Variants in PRKN observed in about 807,000 individuals in gnomAD.
PRKN encodes parkin RBR E3 ubiquitin protein ligase, also known as E3 ubiquitin-protein ligase parkin.
A neutral mutation model predicts 59.5 loss-of-function variants in PRKN; 56 were observed. The ratio of observed to expected loss-of-function variants is 0.94; its 90% CI spans 0.76 to 1.18. The LOEUF is 1.18. Ranked by LOEUF, PRKN falls within the 50% of genes most tolerant of loss-of-function variation. PRKN has a pLI of 0.00. For missense variants in PRKN, 657 were observed against 596.4 expected (o/e 1.10, Z -1.06); for synonymous variants, 250 against 222.1 (o/e 1.13, Z -1.12).
intron 7 of PRKN, among the ~76,000 whole-genome samples, chr6:161,613,641 A>T (rs1475232620): frequency 6.6e-6 from 1 of 152,164 alleles, no homozygotes; most frequent in Non-Finnish European, 1.5e-5. Flanking sequence ...CAGCCACGTC[A>T]AGCTTCAGCA....
At chr6:162,325,745 C>A (rs1470048889) in intron 2 of PRKN, among the ~76,000 whole-genome samples, 1 of 152,110 alleles carries the variant, frequency 6.6e-6, no homozygotes, top group Admixed American at 6.6e-5. Flanking sequence ...ATCATTATTG[C>A]CAACTTACAA....
chr6:161,651,794 T>A (rs1784158196), intron 7 of PRKN, among the ~76,000 whole-genome samples: 2 of 152,208 alleles, frequency 1.3e-5, no homozygotes, highest in Admixed American at 1.3e-4. Flanking sequence ...GATGTCTCTA[T>A]ATACTGTTTC....
rs1033571497 is a variant in PRKN, at chr6:162,403,202, C to T, written c.171+40108G>A. Reference sequence around the variant, plus strand: ...AGGCCCAACACCATCTGGCGCCTTTCGTCACTTGTAGCTCGCCTCCAGCTC... The same window carrying T: ...AGGCCCAACACCATCTGGCGCCTTTTGTCACTTGTAGCTCGCCTCCAGCTC... On this transcript the variant is annotated intron_variant, in intron 2 of 11. Coordinates refer to ENST00000366898, the MANE Select transcript of PRKN (RefSeq NM_004562.3). Among the ~76,000 whole-genome samples, 11 of 152,244 alleles carry T rather than the reference C, an allele frequency of 7.2e-5. No homozygotes were observed. The South Asian group carries it at 1.9e-3, about 26-fold the overall frequency.
intron 5 of PRKN, among the ~76,000 whole-genome samples, chr6:162,021,461 A>ATATATATATATATATTT (rs59250759): frequency 8.1e-5 from 2 of 24,648 alleles, no homozygotes; most frequent in African/African-American, 1.8e-4. Context: ...ATATATATAT[A>ATATATATATATATATTT]TTTTTTTTTT....
At chr6:161,790,538 A>C (rs938228943) in intron 6 of PRKN, among the ~76,000 whole-genome samples, 13 of 152,176 alleles carry the variant, frequency 8.5e-5, no homozygotes, top group Non-Finnish European at 5.9e-5. Flanking sequence ...ATGGTGTGAG[A>C]GAAGAGCCCT....
chr6:162,131,729 C>T (rs1274296507), intron 4 of PRKN, among the ~76,000 whole-genome samples: 2 of 152,098 alleles, frequency 1.3e-5, no homozygotes, highest in East Asian at 1.9e-4. Flanking sequence ...TCCAAAGATA[C>T]TTCATATATT....
At chr6:162,143,941 C>A (rs1278485350) in intron 4 of PRKN, among the ~76,000 whole-genome samples, 1 of 151,952 alleles carries the variant, frequency 6.6e-6, no homozygotes, top group Non-Finnish European at 1.5e-5. Flanking sequence ...TCATTAGGGT[C>A]AAAAATATAT....
At chr6:162,103,451 C>A (rs534811489) in intron 4 of PRKN, among the ~76,000 whole-genome samples, 1 of 152,066 alleles carries the variant, frequency 6.6e-6, no homozygotes, top group South Asian at 2.1e-4. Context: ...TCTTATAATA[C>A]GGACGCAATG....
intron 6 of PRKN, among the ~76,000 whole-genome samples, chr6:161,919,769 G>C (rs1352613007): frequency 1.3e-5 from 2 of 152,098 alleles, no homozygotes; most frequent in Non-Finnish European, 2.9e-5. Context: ...ACTGTACAGG[G>C]GTCTACTACA....
chr6:161,476,398 G>C (rs13209191), intron 9 of PRKN, among the ~76,000 whole-genome samples: 1 of 151,986 alleles, frequency 6.6e-6, no homozygotes, highest in Non-Finnish European at 1.5e-5. Context: ...TCCCCCCGAA[G>C]CTTTTGTTTG....
At chr6:161,514,472 G>T (rs1040439938) in intron 9 of PRKN, among the ~76,000 whole-genome samples, 1 of 152,192 alleles carries the variant, frequency 6.6e-6, no homozygotes, top group African/African-American at 2.4e-5. Context: ...AAGAAGGCAA[G>T]GTTTTAAAAC....
At chr6:161,382,446 C>A (rs368283729) in intron 10 of PRKN, among the ~76,000 whole-genome samples, 3 of 152,128 alleles carry the variant, frequency 2.0e-5, no homozygotes, top group Non-Finnish European at 4.4e-5. Flanking sequence ...ATCTCTTCTG[C>A]GGCTTTAGAG....
At chr6:162,123,498 T>C (rs1021096076) in intron 4 of PRKN, among the ~76,000 whole-genome samples, 1 of 152,228 alleles carries the variant, frequency 6.6e-6, no homozygotes, top group Non-Finnish European at 1.5e-5. Context: ...TAGTTACTTA[T>C]ATGTTTGTAA....
chr6:162,560,121 C>A lies in PRKN; in HGVS notation c.8-116648G>T, dbSNP rs182710268. On this transcript the variant is annotated intron_variant, in intron 1 of 11. Coordinates refer to ENST00000366898, the MANE Select transcript of PRKN (RefSeq NM_004562.3). Reference sequence around the variant, plus strand: ...CTTATCAACGACATTAATATGACTTCTTTCCCCTACTACATTCGTTAATAA... The same window carrying A: ...CTTATCAACGACATTAATATGACTTATTTCCCCTACTACATTCGTTAATAA... 1.6e-3 allele frequency among the ~76,000 whole-genome samples: 249 copies of A among 152,278 alleles called. 2 individuals carry two copies. The highest frequency in any genetic ancestry group is 3.4e-3 in the Middle Eastern group (1 of 294).
At chr6:162,256,697 C>T (rs1249568284) in intron 3 of PRKN, among the ~76,000 whole-genome samples, 1 of 152,114 alleles carries the variant, frequency 6.6e-6, no homozygotes, top group Non-Finnish European at 1.5e-5. Context: ...GCTTCACTGG[C>T]CATGTAGGCC....
At chr6:162,692,785 T>C (rs6936920) in intron 1 of PRKN, among the ~76,000 whole-genome samples, 143 of 152,346 alleles carry the variant, frequency 9.4e-4, no homozygotes, top group African/African-American at 3.0e-3. Flanking sequence ...CATTTTGCTA[T>C]ATTAAGCCAT....
chr6:161,886,675 C>G (rs1233292280), intron 6 of PRKN, among the ~76,000 whole-genome samples: 5 of 150,858 alleles, frequency 3.3e-5, no homozygotes, highest in African/African-American at 1.2e-4. Context: ...CTAGCCTGGG[C>G]AACAAGAGCG....
chr6:162,559,952 CTT>C (rs1319039844), intron 1 of PRKN, among the ~76,000 whole-genome samples: 3 of 152,188 alleles, frequency 2.0e-5, no homozygotes, highest in Admixed American at 1.3e-4. Flanking sequence ...GCTAAATTCT[CTT>C]GTCTCAGCTT....
At chr6:162,725,497 T>C (rs1032771578) in intron 1 of PRKN, among the ~76,000 whole-genome samples, 2 of 152,204 alleles carry the variant, frequency 1.3e-5, no homozygotes, top group Non-Finnish European at 2.9e-5. Flanking sequence ...TGGTGGTTCA[T>C]GCCTGTAATC....
Sources: gnomAD v4.1 joint callset for allele counts (sites outside exome capture counted in the v4.1 genomes callset) on GRCh38, gnomAD v4.1.1 for gene constraint, MANE v1.5 for transcripts, NCBI Gene and HGNC (gene_info 2026-07-23, HGNC 2026-07-21) for gene names.